TBC1D1: variants seen among roughly 807,000 people sequenced by gnomAD.
TBC1D1 encodes TBC1 domain family member 1.
A neutral mutation model predicts 125.6 loss-of-function variants in TBC1D1; 89 were observed. The ratio of observed to expected loss-of-function variants is 0.71; its 90% CI spans 0.60 to 0.85. The LOEUF (loss-of-function observed/expected upper bound fraction) is 0.85, where lower values mean the gene tolerates loss of function less well. TBC1D1 is among the 40% of genes least tolerant of loss of function. The pLI, the probability that TBC1D1 is intolerant of heterozygous loss-of-function variation, is 0.00. For synonymous variants in TBC1D1, 565 were observed against 564.1 expected, an observed-to-expected ratio of 1.00 and a Z score of -0.02; for missense variants, 1,377 against 1,469.2, an observed-to-expected ratio of 0.94 and a Z score of 1.03.
chr4:38,083,952 T>TTTTC (rs1553933785), intron 12 of TBC1D1, among the ~76,000 whole-genome samples: 151 of 151,084 alleles, frequency 1.0e-3, no homozygotes, highest in African/African-American at 3.3e-3. Flanking sequence ...TTTTTTTTTT[T>TTTTC]CTTGAGACAG....
intron 12 of TBC1D1, among the ~76,000 whole-genome samples, chr4:38,087,311 G>C (rs1757654779): frequency 6.6e-6 from 1 of 152,208 alleles, no homozygotes; most frequent in African/African-American, 2.4e-5. Context: ...AGTGGTCCTT[G>C]TCAGTAGCCC....
At chr4:38,033,929 C>T (rs1380426567) in intron 7 of TBC1D1, among the ~76,000 whole-genome samples, 1 of 152,210 alleles carries the variant, frequency 6.6e-6, no homozygotes, top group African/African-American at 2.4e-5. Context: ...TTTCTTTACC[C>T]ATTTGCCGAT....
chr4:38,051,939 G>C, intron 11 of TBC1D1: 1 of 1,550,614 alleles, frequency 6.4e-7, no homozygotes, highest in Non-Finnish European at 8.7e-7. Flanking sequence ...GCACCGCCCA[G>C]GTCAGTCTTC....
At chr4:38,018,199 G>A (rs957908124) in intron 3 of TBC1D1, among the ~76,000 whole-genome samples, 155 bp from the exon 4 acceptor site, 2 of 152,174 alleles carry the variant, frequency 1.3e-5, no homozygotes, top group East Asian at 1.9e-4. Context: ...TGTGTCTTAT[G>A]ACCTGAAATC....
chr4:37,997,035 G>T (rs1737954602), intron 2 of TBC1D1, among the ~76,000 whole-genome samples: 2 of 152,154 alleles, frequency 1.3e-5, no homozygotes, highest in Admixed American at 1.3e-4. Context: ...AATTAATTTT[G>T]GTGCTGTCAA....
At chr4:38,078,549 T>C (rs917153957) in intron 12 of TBC1D1, among the ~76,000 whole-genome samples, 4 of 152,156 alleles carry the variant, frequency 2.6e-5, no homozygotes, top group African/African-American at 9.7e-5. Context: ...GATGAGATTG[T>C]GTGAGTGAAG....
At chr4:38,024,082 A>G (rs1744610900) in intron 6 of TBC1D1, among the ~76,000 whole-genome samples, 1 of 152,238 alleles carries the variant, frequency 6.6e-6, no homozygotes, top group Admixed American at 6.5e-5. Context: ...AACAATTGAC[A>G]TCTTAAGGTC....
At chr4:38,080,525 T>C (rs986955720) in intron 12 of TBC1D1, among the ~76,000 whole-genome samples, 1 of 152,212 alleles carries the variant, frequency 6.6e-6, no homozygotes, top group Non-Finnish European at 1.5e-5. Context: ...CTGGGCCCCG[T>C]GGGGAACTAC....
intron 12 of TBC1D1, among the ~76,000 whole-genome samples, chr4:38,066,353 G>C (rs775828654): frequency 1.6e-4 from 24 of 151,442 alleles, no homozygotes; most frequent in Non-Finnish European, 3.2e-4. Flanking sequence ...GTTTGTGACA[G>C]GGTCTTGCTC....
chr4:37,940,536 C>T (rs541061513), intron 2 of TBC1D1, among the ~76,000 whole-genome samples: 8 of 152,096 alleles, frequency 5.3e-5, no homozygotes, highest in Non-Finnish European at 1.0e-4. Context: ...GCCTGATTGC[C>T]CTGGCCAGAA....
intron 13 of TBC1D1, among the ~76,000 whole-genome samples, chr4:38,095,505 A>T (rs1759173800): frequency 6.6e-6 from 1 of 152,200 alleles, no homozygotes; most frequent in Non-Finnish European, 1.5e-5. Flanking sequence ...GTTTGGCTCT[A>T]AATAAGAAAA....
chr4:38,008,476 C>T (rs539502014), intron 2 of TBC1D1, among the ~76,000 whole-genome samples: 2 of 152,248 alleles, frequency 1.3e-5, no homozygotes, highest in Admixed American at 6.5e-5. Context: ...AACAGCTTAT[C>T]CAATTTGCCA....
chr4:38,060,024 C>T (rs1454891172), intron 12 of TBC1D1, among the ~76,000 whole-genome samples: 1 of 152,156 alleles, frequency 6.6e-6, no homozygotes, highest in East Asian at 1.9e-4. Flanking sequence ...TGGCTTTCAG[C>T]TTCATCCATG....
In TBC1D1 at chr4:37,943,682, C is replaced by T. The variant is rs1446409213; in HGVS notation, c.417+41170C>T. Among the ~76,000 whole-genome samples, 10 of 152,198 alleles carry T rather than the reference C, an allele frequency of 6.6e-5. 1 individual carries two copies. The highest frequency in any genetic ancestry group is 6.5e-4 in the Admixed American group (10 of 15,278). On this transcript the variant is annotated intron_variant, in intron 2 of 19. Transcript: ENST00000261439. ...AGTTCTCATGCCATAGTTTTCAGCT[C>T]CATCAGGTCCTTTAAGGACTTCTCT...
chr4:37,918,538 C>T (rs1720206948), intron 2 of TBC1D1, among the ~76,000 whole-genome samples: 1 of 151,910 alleles, frequency 6.6e-6, no homozygotes, highest in Admixed American at 6.6e-5. Context: ...ACCTCTGCCT[C>T]CCAGGTTCAA....
chr4:37,906,423 T>C (rs770537766), intron 2 of TBC1D1, among the ~76,000 whole-genome samples: 38 of 152,142 alleles, frequency 2.5e-4, no homozygotes, highest in Non-Finnish European at 4.3e-4. Context: ...GCTGGGATTA[T>C]AAACATGAGC....
At chr4:38,079,252 A>G (rs987671644) in intron 12 of TBC1D1, among the ~76,000 whole-genome samples, 27 of 152,214 alleles carry the variant, frequency 1.8e-4, no homozygotes, top group Admixed American at 5.2e-4. Flanking sequence ...GACTATGTTC[A>G]GATCTGGAAG....
At chr4:38,126,531 G>T (rs549879123) in intron 18 of TBC1D1, among the ~76,000 whole-genome samples, 6 of 152,350 alleles carry the variant, frequency 3.9e-5, no homozygotes, top group Non-Finnish European at 7.3e-5. Context: ...TTTCATACCA[G>T]TTGTTAACTT....
intron 2 of TBC1D1, among the ~76,000 whole-genome samples, chr4:37,944,146 A>G (rs969414602): frequency 1.3e-5 from 2 of 152,206 alleles, no homozygotes; most frequent in African/African-American, 4.8e-5. Flanking sequence ...GCTGCAGAAC[A>G]GCGAATATTG....
Sources: gnomAD v4.1 joint callset for allele counts (sites outside exome capture counted in the v4.1 genomes callset) on GRCh38, gnomAD v4.1.1 for gene constraint, MANE v1.5 for transcripts, NCBI Gene and HGNC (gene_info 2026-07-23, HGNC 2026-07-21) for gene names.